The following KCNQ5 variants were observed in gnomAD, a reference collection of about 807,000 sequenced individuals.
KCNQ5 encodes the protein potassium voltage-gated channel subfamily KQT member 5.
In KCNQ5, 30 loss-of-function variants were observed where a neutral mutation model predicts 98.2. The ratio of observed to expected loss-of-function variants is 0.31; its 90% confidence interval spans 0.23 to 0.41. KCNQ5 has a LOEUF of 0.41. Among genes scored for constraint, KCNQ5 ranks in the 10% least tolerant of loss-of-function variants. KCNQ5 has a pLI of 1.00. For missense variants in KCNQ5, 835 were observed against 1,182.5 expected, an observed-to-expected ratio of 0.71 and a Z score of 4.31; for synonymous variants, 458 against 449.4, an observed-to-expected ratio of 1.02 and a Z score of -0.24.
At chr6:73,150,563 G>A (rs537731739) in intron 10 of KCNQ5, among the ~76,000 whole-genome samples, 48 of 147,658 alleles carry the variant, frequency 3.3e-4, no homozygotes, top group African/African-American at 1.1e-3. Flanking sequence ...ATAATATTCC[G>A]TAGCATGTAT....
chr6:72,897,000 C>A (rs980846654), intron 1 of KCNQ5, among the ~76,000 whole-genome samples: 2 of 151,950 alleles, frequency 1.3e-5, no homozygotes. Flanking sequence ...TTCTTATCTA[C>A]CATGTTCTCA....
chr6:73,106,707 T>A (rs1775015448), intron 6 of KCNQ5, among the ~76,000 whole-genome samples: 1 of 152,216 alleles, frequency 6.6e-6, no homozygotes, highest in Non-Finnish European at 1.5e-5. Context: ...CAAGGTCACA[T>A]TCTGAGGTCA....
intron 1 of KCNQ5, among the ~76,000 whole-genome samples, chr6:72,999,273 A>G (rs1419114445): frequency 1.3e-5 from 2 of 152,194 alleles, no homozygotes; most frequent in African/African-American, 4.8e-5. Flanking sequence ...TTCTTGAGTA[A>G]ACATAGAGTC....
chr6:72,635,159 T>C (rs2098923317), intron 1 of KCNQ5, among the ~76,000 whole-genome samples: 1 of 151,830 alleles, frequency 6.6e-6, no homozygotes, highest in African/African-American at 2.4e-5. Flanking sequence ...CTTGAGTAGC[T>C]GAGACCACAG....
In KCNQ5 at chr6:73,090,705, A is replaced by G. The variant is rs112740778; in HGVS notation, c.918+12818A>G. On this transcript the variant is annotated intron_variant, in intron 5 of 13. Coordinates refer to ENST00000370398, the MANE Select transcript of KCNQ5 (RefSeq NM_019842.4). ...TCAAAAGAAGACATTTATACAGCCA[A>G]CAAAATTATGAAAAAATGCTCATCA... Among the ~76,000 whole-genome samples the G allele has an allele frequency of 3.7e-3, 570 of 152,304 alleles. 1 individual carries two copies. Among genetic ancestry groups the G allele is most frequent in the African/African-American group, 0.013 (534 of 41,560 alleles).
At chr6:72,700,004 C>A (rs1053729349) in intron 1 of KCNQ5, among the ~76,000 whole-genome samples, 1 of 152,120 alleles carries the variant, frequency 6.6e-6, no homozygotes, top group Non-Finnish European at 1.5e-5. Flanking sequence ...ATTTCAAAGG[C>A]TTGTTTGAGG....
At chr6:72,899,193 C>T (rs1397873051) in intron 1 of KCNQ5, among the ~76,000 whole-genome samples, 2 of 152,154 alleles carry the variant, frequency 1.3e-5, no homozygotes, top group African/African-American at 4.8e-5. Flanking sequence ...CAGATAATTT[C>T]ATGGCCTGAT....
At chr6:72,880,413 A>G (rs1165377827) in intron 1 of KCNQ5, among the ~76,000 whole-genome samples, 2 of 152,136 alleles carry the variant, frequency 1.3e-5, no homozygotes, top group Non-Finnish European at 2.9e-5. Flanking sequence ...CCCATTCATG[A>G]GGCTTGACCT....
chr6:72,632,436 T>C (rs1383417606), intron 1 of KCNQ5, among the ~76,000 whole-genome samples: 2 of 152,114 alleles, frequency 1.3e-5, no homozygotes, highest in Non-Finnish European at 2.9e-5. Flanking sequence ...CCACCGCGCC[T>C]GGCCAGTTTT....
chr6:72,913,461 A>G (rs1780021489), intron 1 of KCNQ5, among the ~76,000 whole-genome samples: 1 of 152,152 alleles, frequency 6.6e-6, no homozygotes, highest in Non-Finnish European at 1.5e-5. Flanking sequence ...GGGGTGTGTG[A>G]GTCCTGGGTC....
chr6:72,880,406 A>G (rs1778592732), intron 1 of KCNQ5, among the ~76,000 whole-genome samples: 1 of 152,186 alleles, frequency 6.6e-6, no homozygotes, highest in Admixed American at 6.5e-5. Context: ...CACTAGTCCC[A>G]TTCATGAGGC....
chr6:73,195,750 C>T lies in KCNQ5; in HGVS notation c.*336C>T, dbSNP rs1765770318. On this transcript the variant is annotated 3_prime_UTR_variant, in exon 14 of 14. Coordinates refer to ENST00000370398, the MANE Select transcript of KCNQ5 (RefSeq NM_019842.4). ...TGTATTTTGAAATTATGGGAGTAAA[C>T]ACCTTCAAATTTCAGGCATTTCTGC... 1 of 237,180 alleles carries T rather than the reference C, an allele frequency of 4.2e-6. No homozygotes were observed. Among genetic ancestry groups the T allele is most frequent in the African/African-American group, 2.2e-5 (1 of 45,086 alleles). The allele number at this position is 237,180 out of a possible 1,614,324, so 14.7% of individuals were successfully genotyped here.
chr6:72,942,889 T>C lies in KCNQ5; in HGVS notation c.399-61019T>C, dbSNP rs546296318. Among the ~76,000 whole-genome samples the C allele has an allele frequency of 1.9e-3, 284 of 152,372 alleles. 1 individual carries two copies. Among genetic ancestry groups the C allele is most frequent in the Non-Finnish European group, 3.2e-3 (217 of 68,024 alleles). ...AGTTTTTAATGAAAAATCACCTTTTTGAAGTTTGTCTTTCACTTTATGCCG... is the reference window on the plus strand; with the variant it reads ...AGTTTTTAATGAAAAATCACCTTTTCGAAGTTTGTCTTTCACTTTATGCCG... On this transcript the variant is annotated intron_variant, in intron 1 of 13. Coordinates refer to ENST00000370398, the MANE Select transcript of KCNQ5 (RefSeq NM_019842.4).
chr6:72,645,228 A>G (rs1765531855), intron 1 of KCNQ5, among the ~76,000 whole-genome samples: 1 of 151,466 alleles, frequency 6.6e-6, no homozygotes, highest in African/African-American at 2.4e-5. Context: ...AAAAAACAAA[A>G]AAAACATAGT....
intron 7 of KCNQ5, among the ~76,000 whole-genome samples, chr6:73,119,432 G>C (rs1775654167): frequency 6.6e-6 from 1 of 152,110 alleles, no homozygotes; most frequent in Admixed American, 6.6e-5. Context: ...AAAATACTTT[G>C]TCTTATGTAT....
chr6:72,791,043 T>C (rs1774010380), intron 1 of KCNQ5, among the ~76,000 whole-genome samples: 1 of 152,170 alleles, frequency 6.6e-6, no homozygotes, highest in Non-Finnish European at 1.5e-5. Flanking sequence ...CGCATCTTTG[T>C]AAGTGCTCTG....
chr6:73,149,712 G>A (rs1203897526), intron 10 of KCNQ5, among the ~76,000 whole-genome samples: 3 of 151,378 alleles, frequency 2.0e-5, no homozygotes, highest in African/African-American at 7.3e-5. Context: ...CGGAAGAATC[G>A]TTTGAACCTG....
intron 1 of KCNQ5, among the ~76,000 whole-genome samples, chr6:72,736,193 T>G (rs868580132): frequency 2.0e-5 from 3 of 152,064 alleles, no homozygotes; most frequent in Admixed American, 6.5e-5. Flanking sequence ...CTAAAATATC[T>G]CATCCCTTTG....
At chr6:72,801,700 T>C (rs1379992643) in intron 1 of KCNQ5, among the ~76,000 whole-genome samples, 1 of 151,610 alleles carries the variant, frequency 6.6e-6, no homozygotes, top group African/African-American at 2.4e-5. Flanking sequence ...GCTCGTTAGT[T>C]GATGCAGTTT....
Sources: allele counts gnomAD v4.1 joint callset (sites outside exome capture counted in the v4.1 genomes callset), GRCh38; gene constraint gnomAD v4.1.1; transcripts MANE v1.5; gene names NCBI Gene and HGNC (gene_info 2026-07-23, HGNC 2026-07-21).